Variants in UGT1A3 observed in about 807,000 individuals in gnomAD.
UGT1A3 encodes UDP-glucuronosyltransferase 1A3.
Under a neutral mutation model 41.0 loss-of-function variants are expected in UGT1A3, and 31 were observed. The observed-to-expected ratio is 0.76, with a 90% CI of 0.57 to 1.02. The LOEUF is 1.02. UGT1A3 is among the 50% of genes least tolerant of loss of function. The probability of loss-of-function intolerance (pLI) is 0.00; values close to 1 mark genes in which losing one functional copy is unlikely to be tolerated. For synonymous variants in UGT1A3, 262 were observed against 257.6 expected, an observed-to-expected ratio of 1.02 and a Z score of -0.17; for missense variants, 737 against 671.0, an observed-to-expected ratio of 1.10 and a Z score of -1.09.
chr2:233,766,745 T>C (rs1337689607), intron 1 of UGT1A3, among the ~76,000 whole-genome samples: 1 of 152,196 alleles, frequency 6.6e-6, no homozygotes, highest in Non-Finnish European at 1.5e-5. Flanking sequence ...TGTACAGGTG[T>C]GTGCATGTGT....
In UGT1A3 at chr2:233,769,189, A is replaced by T. The variant is rs1281206912; in HGVS notation, c.1307+750A>T. Among the ~76,000 whole-genome samples, 1 of 152,188 alleles carries T rather than the reference A, an allele frequency of 6.6e-6. No homozygotes were observed. Among genetic ancestry groups the T allele is most frequent in the East Asian group, 1.9e-4 (1 of 5,202 alleles). On this transcript the variant is annotated intron_variant, in intron 4 of 4. Transcript: ENST00000482026. This position sits in a 1 kb window ranked among gnomAD's most constrained non-coding sequence, Gnocchi z 4.4. The stretch of plus-strand genomic sequence containing the variant: ...TGTCCATGGAGTTTATGAATGAAGG[A>T]GCTATAAGATATCACAGACAAAGTC...
chr2:233,756,019 A>G (rs997763833), intron 1 of UGT1A3: 4 of 152,222 alleles, frequency 2.6e-5, no homozygotes, highest in Admixed American at 2.0e-4. Flanking sequence ...GTGATATTAC[A>G]CATCCCCCAT....
chr2:233,760,166 G>A (rs2125979528), intron 1 of UGT1A3: 1 of 1,522,128 alleles, frequency 6.6e-7, no homozygotes, highest in African/African-American at 1.4e-5. Context: ...TACCTTTGTG[G>A]ACTGACAGCT....
rs182305779 is a variant in UGT1A3, at chr2:233,734,566, T to G, written c.867+4573T>G. ...CTTCCCTTCTGCTAGCTTTTGAATT[T>G]GTTTGCTCTTGCTTATCTAGTTCTT... is the stretch of plus-strand genomic sequence containing the variant. On this transcript the variant is annotated intron_variant, in intron 1 of 4. Transcript: ENST00000482026. Among the ~76,000 whole-genome samples, 19 of 152,196 alleles carry G rather than the reference T, an allele frequency of 1.2e-4. 1 individual carries two copies. Among genetic ancestry groups the G allele is most frequent in the Admixed American group, 1.2e-3 (19 of 15,288 alleles).
intron 1 of UGT1A3, chr2:233,743,701 C>A (rs13009407): frequency 2.9e-6 from 4 of 1,367,150 alleles, no homozygotes; most frequent in South Asian, 2.3e-5. Context: ...CGCCCTCCGC[C>A]CCCGCCTCGC....
chr2:233,735,285 T>C (rs1453773245), intron 1 of UGT1A3, among the ~76,000 whole-genome samples: 1 of 152,192 alleles, frequency 6.6e-6, no homozygotes, highest in East Asian at 1.9e-4. Flanking sequence ...TCTTTGTCTC[T>C]TTTGATTTTT....
intron 1 of UGT1A3, among the ~76,000 whole-genome samples, chr2:233,757,990 G>A (rs1696768799): frequency 6.6e-6 from 1 of 152,054 alleles, no homozygotes; most frequent in Non-Finnish European, 1.5e-5. Flanking sequence ...ACCATCCCCT[G>A]TAATTGCCTG....
chr2:233,767,130 G>A lies in UGT1A3; in HGVS notation c.964G>A (p.Ala322Thr). The A allele has an allele frequency of 6.2e-7, 1 of 1,614,080 alleles. No individual in the cohort carries two copies. The highest frequency in any genetic ancestry group is 8.5e-7 in the Non-Finnish European group (1 of 1,180,012). The change falls in exon 2 of 5, where the codon GCA (alanine) becomes ACA (threonine). Residue 322 changes from alanine (A) to threonine (T), a missense_variant. Ala to Thr is a moderately conservative substitution (Grantham distance 58). Coordinates refer to ENST00000482026, the MANE Select transcript of UGT1A3 (RefSeq NM_019093.4). ...VSEIPEKKAM[A>T]IADALGKIPQ... ...AGAAATTCCAGAGAAGAAAGCTATGGCAATTGCTGATGCTTTGGGCAAAAT... is the reference window on the plus strand; with the variant it reads ...AGAAATTCCAGAGAAGAAAGCTATGACAATTGCTGATGCTTTGGGCAAAAT...
At chr2:233,743,809 AGGGTTTTTGTC>A in intron 1 of UGT1A3, 1 of 1,367,146 alleles carries the variant, frequency 7.3e-7, no homozygotes, top group Non-Finnish European at 9.8e-7. Context: ...CCTTGTTCTC[AGGGTTTTTGTC>A]GGGGTGCCAC....
intron 1 of UGT1A3, chr2:233,754,583 T>A (rs1211544533): frequency 2.3e-6 from 1 of 426,868 alleles, no homozygotes; most frequent in East Asian, 7.0e-5. Context: ...ATGCCGTTTA[T>A]TATGAAGGAC....
chr2:233,746,231 A>C, intron 1 of UGT1A3, among the ~76,000 whole-genome samples: 1 of 151,848 alleles, frequency 6.6e-6, no homozygotes, highest in Non-Finnish European at 1.5e-5. Context: ...AGATATGCAA[A>C]CTGCTAAAAG....
At chr2:233,743,384 A>G in intron 1 of UGT1A3, 4 of 1,202,216 alleles carry the variant, frequency 3.3e-6, no homozygotes, top group Non-Finnish European at 4.5e-6. Context: ...CTACCGTAGG[A>G]CATGCAGAAG....
intron 4 of UGT1A3, among the ~76,000 whole-genome samples, chr2:233,768,711 T>G (rs2126041058): frequency 6.6e-6 from 1 of 151,246 alleles, no homozygotes; most frequent in South Asian, 2.1e-4. Flanking sequence ...AGCCTCCGTG[T>G]AGCTGGGATT....
chr2:233,744,692 A>G (rs1481135154), intron 1 of UGT1A3, among the ~76,000 whole-genome samples: 1 of 151,878 alleles, frequency 6.6e-6, no homozygotes, highest in African/African-American at 2.4e-5. Context: ...AGCTTCTGGA[A>G]AACTCCACTG....
At chr2:233,750,325 T>C (rs1342214391) in intron 1 of UGT1A3, among the ~76,000 whole-genome samples, 1 of 151,898 alleles carries the variant, frequency 6.6e-6, no homozygotes, top group Non-Finnish European at 1.5e-5. Context: ...AACTTTGAAC[T>C]TCAGAGAGAT....
In UGT1A3 at chr2:233,729,850, G is replaced by A. The variant is rs916795505; in HGVS notation, c.724G>A (p.Glu242Lys). Residue 242 changes from glutamate (E) to lysine (K), a missense_variant, in exon 1 of 5, where the codon GAG becomes AAG. Physicochemically the swap from Glu to Lys is moderately conservative, Grantham distance 56 (BLOSUM62 1). Transcript: ENST00000482026. The stretch of plus-strand genomic sequence containing the variant: ...CCTTGCCTCTGAGCTTTTTCAGAGA[G>A]AGGTGTCAGTGGTGGATATTCTCAG... ...ASLASELFQR[E>K]VSVVDILSHA... 7 of 1,613,752 alleles carry A rather than the reference G, an allele frequency of 4.3e-6. No homozygotes were observed. Among genetic ancestry groups the A allele is most frequent in the African/African-American group, 1.3e-5 (1 of 74,874 alleles).
chr2:233,772,579 G>A lies in UGT1A3; in HGVS notation c.*20G>A. ...CATTGAGAAGTGGGTGGGAAATAAG[G>A]TAAAATTTTGAACCATTCCCTAGTC... On this transcript the variant is annotated 3_prime_UTR_variant, in exon 5 of 5. Transcript: ENST00000482026. The A allele has an allele frequency of 6.2e-7, 1 of 1,608,678 alleles. No homozygotes were observed. Among genetic ancestry groups the A allele is most frequent in the Non-Finnish European group, 8.5e-7 (1 of 1,177,120 alleles).
intron 1 of UGT1A3, chr2:233,754,665 A>AT (rs752229414): frequency 4.5e-5 from 21 of 465,290 alleles, no homozygotes; most frequent in South Asian, 1.9e-4. Flanking sequence ...CTTGGTGGTG[A>AT]TTTTTTTACC....
At chr2:233,744,122 C>T in intron 1 of UGT1A3, 1 of 368,854 alleles carries the variant, frequency 2.7e-6, no homozygotes, top group Non-Finnish European at 5.1e-6. Flanking sequence ...CTCTGTGAGG[C>T]TCTGTGAGGC....
Sources: gnomAD v4.1 joint callset for allele counts (sites outside exome capture counted in the v4.1 genomes callset) on GRCh38, gnomAD v4.1.1 for gene constraint, Gnocchi (gnomAD v3.1) non-coding constraint, MANE v1.5 for transcripts, NCBI Gene and HGNC (gene_info 2026-07-23, HGNC 2026-07-21) for gene names.